The following USH2A variants were observed in gnomAD, a reference collection of about 807,000 sequenced individuals.
The protein encoded by USH2A is Usher syndrome 2A (autosomal recessive, mild).
USH2A carries 443 observed loss-of-function variants against 538.9 expected under a neutral mutation model. The observed-to-expected ratio is 0.82, with a 90% CI of 0.76 to 0.89. The LOEUF is 0.89. USH2A is among the 40% of genes least tolerant of loss of function. USH2A has a pLI of 0.00. For missense variants in USH2A, 6,633 were observed against 6,324.8 expected (o/e 1.05, Z -1.65); for synonymous variants, 2,413 against 2,273.5 (o/e 1.06, Z -1.75).
At chr1:215,632,051 TTTTTG>T (rs368845781) in intron 70 of USH2A, among the ~76,000 whole-genome samples, 1,714 of 152,124 alleles carry the variant, frequency 0.011, 51 homozygotes, top group South Asian at 0.064. Context: ...CAGACTTCTT[TTTTTG>T]TTTTGTTTTG....
At chr1:216,172,309 T>A (rs1178814756) in intron 21 of USH2A, among the ~76,000 whole-genome samples, 3 of 152,030 alleles carry the variant, frequency 2.0e-5, no homozygotes, top group Non-Finnish European at 4.4e-5. Flanking sequence ...ATGGGTACAA[T>A]CTAACTTATC....
At chr1:215,956,583 G>T (rs948897821) in intron 37 of USH2A, among the ~76,000 whole-genome samples, 1 of 152,066 alleles carries the variant, frequency 6.6e-6, no homozygotes, top group Non-Finnish European at 1.5e-5. Context: ...TAAGCCATGA[G>T]GACAATGAAA....
At chr1:216,124,602 T>A (rs910715400) in intron 21 of USH2A, among the ~76,000 whole-genome samples, 3 of 152,052 alleles carry the variant, frequency 2.0e-5, no homozygotes, top group African/African-American at 7.2e-5. Context: ...ATGGCAGAAA[T>A]ATAAGATCAA....
chr1:216,304,666 G>C (rs1179203881), intron 9 of USH2A, among the ~76,000 whole-genome samples: 1 of 151,808 alleles, frequency 6.6e-6, no homozygotes. Flanking sequence ...GAACTTTCCT[G>C]TTAGCACCAC....
chr1:216,248,762 T>C (rs935772733), intron 12 of USH2A, among the ~76,000 whole-genome samples: 1 of 152,122 alleles, frequency 6.6e-6, no homozygotes, highest in Non-Finnish European at 1.5e-5. Flanking sequence ...ATATCAGTTT[T>C]AAAAATATGC....
At chr1:215,705,190 C>T (rs976818935) in intron 61 of USH2A, among the ~76,000 whole-genome samples, 1 of 152,160 alleles carries the variant, frequency 6.6e-6, no homozygotes, top group African/African-American at 2.4e-5. Flanking sequence ...TCAACAAGAA[C>T]ACAGTGATTC....
intron 64 of USH2A, among the ~76,000 whole-genome samples, chr1:215,662,548 G>A (rs1375182409): frequency 6.6e-6 from 1 of 152,190 alleles, no homozygotes; most frequent in Non-Finnish European, 1.5e-5. Context: ...ACACTGACAG[G>A]TGGAAATGAT....
chr1:216,195,502 T>A (rs565919619), intron 19 of USH2A, among the ~76,000 whole-genome samples: 20 of 152,116 alleles, frequency 1.3e-4, no homozygotes, highest in African/African-American at 4.8e-4. Context: ...AGCGAAGAAA[T>A]CCTCTTAGTG....
rs114915487 is a variant in USH2A, at chr1:216,225,170, T to C, written c.2993+6783A>G. Among the ~76,000 whole-genome samples, 746 of 152,264 alleles carry C rather than the reference T, an allele frequency of 4.9e-3. 8 individuals are homozygous for C. The highest frequency in any genetic ancestry group is 0.017 in the African/African-American group (703 of 41,562). ...ATGGAATCCCATATATCTTAGTCAA[T>C]TGTTACACATTTTCAATATAGCCAA... On this transcript the variant is annotated intron_variant, in intron 14 of 71. Coordinates refer to ENST00000307340, the MANE Select transcript of USH2A (RefSeq NM_206933.4).
intron 35 of USH2A, among the ~76,000 whole-genome samples, chr1:215,985,878 T>C (rs935321231): frequency 9.2e-5 from 14 of 152,230 alleles, no homozygotes; most frequent in Non-Finnish European, 1.9e-4. Flanking sequence ...TAAATAACGT[T>C]CTATTGTCTT....
intron 51 of USH2A, 40 bp downstream of exon 51, chr1:215,790,019 T>A: frequency 1.3e-6 from 2 of 1,580,764 alleles, no homozygotes; most frequent in Non-Finnish European, 1.7e-6. Flanking sequence ...TCTCTTTCCA[T>A]TGTCAAATCA....
intron 21 of USH2A, among the ~76,000 whole-genome samples, chr1:216,155,803 G>C (rs2033925514): frequency 6.6e-6 from 1 of 152,096 alleles, no homozygotes; most frequent in South Asian, 2.1e-4. Flanking sequence ...TCCATGCTGG[G>C]ATTCAGAATT....
In USH2A at chr1:215,661,549, C is replaced by T. The variant is rs183504984; in HGVS notation, c.14133+9423G>A. Among the ~76,000 whole-genome samples, 5 of 152,184 alleles carry T rather than the reference C, an allele frequency of 3.3e-5. No individual in the cohort carries two copies. The East Asian group carries it at 9.7e-4, about 29-fold the overall frequency. The stretch of plus-strand genomic sequence containing the variant: ...TCTTCATTAAATTTTCTTCAAATAC[C>T]CTTTGAATGTGCCATATGTTTCCTG... On this transcript the variant is annotated intron_variant, in intron 64 of 71. Coordinates refer to ENST00000307340, the MANE Select transcript of USH2A (RefSeq NM_206933.4).
chr1:215,838,583 A>G (rs568810122), intron 46 of USH2A, among the ~76,000 whole-genome samples: 11 of 152,200 alleles, frequency 7.2e-5, no homozygotes, highest in African/African-American at 1.2e-4. Context: ...GCCTTCCAAT[A>G]TGGCTGAGGT....
rs150372183 is a variant in USH2A at position 215,900,778 on chromosome 1, G to T, written c.7428C>A (p.Gly2476=). ...SPRYQLQMRS[G]DSTHGFLELF... ...ACTCTAGAAATCCATGGGTGGAGTCGCCAGACCTCATCTGGAGTTGGTATC... is the reference window on the plus strand; with the variant it reads ...ACTCTAGAAATCCATGGGTGGAGTCTCCAGACCTCATCTGGAGTTGGTATC... The change falls in exon 39 of 72, where the codon GGC becomes GGA. Residue 2476 remains glycine (G), a synonymous_variant. Transcript: ENST00000307340. 5.6e-6 allele frequency: 9 copies of T among 1,613,546 alleles called. No individual in the cohort carries two copies. The African/African-American group carries it at 6.7e-5, about 12-fold the overall frequency.
chr1:216,140,160 C>T (rs2033572797), intron 21 of USH2A, among the ~76,000 whole-genome samples: 1 of 151,986 alleles, frequency 6.6e-6, no homozygotes. Context: ...TTTTTAGAAA[C>T]ATAGAATTTT....
At chr1:215,956,999 T>C (rs1667083793) in intron 37 of USH2A, among the ~76,000 whole-genome samples, 1 of 152,196 alleles carries the variant, frequency 6.6e-6, no homozygotes, top group African/African-American at 2.4e-5. Context: ...TCATTAACAA[T>C]ATGGCCATAA....
intron 3 of USH2A, among the ~76,000 whole-genome samples, chr1:216,408,006 T>C (rs2039424430): frequency 1.3e-5 from 2 of 152,144 alleles, no homozygotes; most frequent in Admixed American, 1.3e-4. Context: ...ATGTGATATA[T>C]GTCCCATATG....
At chr1:216,207,530 G>A (rs993321785) in intron 15 of USH2A, 99 bp from the exon 16 acceptor site, 125 of 1,450,606 alleles carry the variant, frequency 8.6e-5, no homozygotes, top group Non-Finnish European at 1.1e-4. Context: ...TCTGATTCAG[G>A]ATTGCTTTAT....
Sources: gnomAD v4.1 joint callset for allele counts (sites outside exome capture counted in the v4.1 genomes callset) on GRCh38, gnomAD v4.1.1 for gene constraint, MANE v1.5 for transcripts, NCBI Gene and HGNC (gene_info 2026-07-23, HGNC 2026-07-21) for gene names.